Variants in PISD observed in about 807,000 individuals in gnomAD.
PISD encodes phosphatidylserine decarboxylase.
A neutral mutation model predicts 43.5 loss-of-function variants in PISD; 31 were observed. The observed-to-expected ratio is 0.71, with a 90% confidence interval of 0.54 to 0.96. The LOEUF (loss-of-function observed/expected upper bound fraction) is 0.96, where lower values mean the gene tolerates loss of function less well. Among genes scored for constraint, PISD ranks in the 40% least tolerant of loss-of-function variants. PISD has a pLI of 0.00. For synonymous variants in PISD, 259 were observed against 228.7 expected (o/e 1.13, Z -1.20); for missense variants, 523 against 548.4 (o/e 0.95, Z 0.46).
At chr22:31,626,032 A>T in intron 3 of PISD, 4 of 1,430,900 alleles carry the variant, frequency 2.8e-6, no homozygotes, top group Non-Finnish European at 3.7e-6. Flanking sequence ...GCAGACAGAC[A>T]GGCACTGGTC....
At chr22:31,633,182 A>G (rs780311274) in intron 3 of PISD, among the ~76,000 whole-genome samples, 40 of 152,106 alleles carry the variant, frequency 2.6e-4, no homozygotes, top group Non-Finnish European at 5.3e-4. Flanking sequence ...CAAAGCCTCT[A>G]GTACTTACAG....
chr22:31,653,971 T>C (rs543668968), intron 1 of PISD, among the ~76,000 whole-genome samples: 1 of 152,314 alleles, frequency 6.6e-6, no homozygotes, highest in African/African-American at 2.4e-5. Context: ...CTGTCTACCA[T>C]GCTATCATTC....
chr22:31,627,373 C>T lies in PISD; in HGVS notation c.322-5488G>A, dbSNP rs148680467. 8.9e-4 allele frequency among the ~76,000 whole-genome samples: 136 copies of T among 152,354 alleles called. 1 individual carries two copies. In the East Asian group the frequency reaches 0.022, roughly 24 times the overall value. Reference sequence around the variant, plus strand: ...CAAGAGGCCCATTGCATCTCAAGGCCGAGGCCCAGGCCCATAGACAGCCCC... The same window carrying T: ...CAAGAGGCCCATTGCATCTCAAGGCTGAGGCCCAGGCCCATAGACAGCCCC... On this transcript the variant is annotated intron_variant, in intron 3 of 7. Coordinates refer to ENST00000439502, the MANE Select transcript of PISD (RefSeq NM_001326411.2).
Position 31,621,217 on chromosome 22 carries a change from A to C in PISD, c.698-75T>G, listed in dbSNP as rs1006138025. On this transcript the variant is annotated intron_variant, in intron 5 of 7. Transcript: ENST00000439502. ...CACGGAGCCCGAGTGTGGTCTGCAC[A>C]TGGATTCTCAGGGAGGCCCCACATG... The C allele has an allele frequency of 1.9e-6, 3 of 1,611,136 alleles. No homozygotes were observed. In the South Asian group the frequency reaches 3.3e-5, roughly 18 times the overall value.
intron 1 of PISD, among the ~76,000 whole-genome samples, chr22:31,660,885 C>A (rs758691184): frequency 4.6e-5 from 7 of 152,096 alleles, no homozygotes; most frequent in Non-Finnish European, 4.4e-5. Context: ...AGGTGCCTGC[C>A]ACCATGCCCG....
chr22:31,625,640 C>CGGG, intron 3 of PISD: 1 of 1,268,858 alleles, frequency 7.9e-7, no homozygotes, highest in Non-Finnish European at 1.1e-6. Flanking sequence ...CCTCCAGCCT[C>CGGG]GGGGGCTGAC....
intron 3 of PISD, among the ~76,000 whole-genome samples, chr22:31,647,352 A>G (rs1019319537): frequency 1.3e-5 from 2 of 152,212 alleles, no homozygotes; most frequent in African/African-American, 4.8e-5. Context: ...ATTAGAATAG[A>G]TTCAGCTGAT....
intron 5 of PISD, 71 bp from the exon 6 acceptor site, chr22:31,621,213 G>C: frequency 1.2e-6 from 2 of 1,611,020 alleles, no homozygotes; most frequent in Non-Finnish European, 1.7e-6. Context: ...AGTGTGGTCT[G>C]CACATGGATT....
rs530643119 is a variant in PISD, at chr22:31,625,232, G to A, written c.322-3347C>T. Among the ~76,000 whole-genome samples, 55 of 152,334 alleles carry A rather than the reference G, an allele frequency of 3.6e-4. 1 individual carries two copies. The South Asian group carries it at 7.7e-3, about 21-fold the overall frequency. ...CAGGCTCAGAGCTGGCTGCATCCAC[G>A]CAGCTCCCGGGTGCCTACTTTCTCT... On this transcript the variant is annotated intron_variant, in intron 3 of 7. Transcript: ENST00000439502.
In PISD at chr22:31,620,664, G is replaced by A. The variant is rs778467604; in HGVS notation, c.894C>T (p.Leu298=). ...GGACCACCCGCTCGTTATGGCAGAAGAGCTCTTTGATCCAGCGAGCCATGC... is the reference window on the plus strand; with the variant it reads ...GGACCACCCGCTCGTTATGGCAGAAAAGCTCTTTGATCCAGCGAGCCATGC... ...NPGMARWIKE[L]FCHNERVVLT... Residue 298 remains leucine, a synonymous_variant, in exon 7 of 8, where the codon CTC becomes CTT. Coordinates refer to ENST00000439502, the MANE Select transcript of PISD (RefSeq NM_001326411.2). 5 of 1,614,242 alleles carry A rather than the reference G, an allele frequency of 3.1e-6. No homozygotes were observed. Among genetic ancestry groups the A allele is most frequent in the Non-Finnish European group, 4.2e-6 (5 of 1,180,036 alleles).
At position 31,637,149 on chromosome 22, in the gene PISD, AAAAAAAAAAAAAAAAATATATATATATAT is replaced by A. The variant is rs1369662072; in HGVS notation, c.321+10923_321+10951del. Among the ~76,000 whole-genome samples the A allele has an allele frequency of 3.7e-4, 6 of 16,130 alleles. 1 individual carries two copies. Among genetic ancestry groups the A allele is most frequent in the Non-Finnish European group, 1.1e-4 (1 of 8,982 alleles). The allele number at this position is 16,130 out of a possible 152,430, so 10.6% of individuals were successfully genotyped here. On this transcript the variant is annotated intron_variant, in intron 3 of 7. Transcript: ENST00000439502. Reference sequence around the variant, plus strand: ...AAAATAATAATAAATAAATTAAAAAAAAAAAAAAAAAAAAAATATATATATATATATATATATATATATATATATATATA... The same window carrying A: ...AAAATAATAATAAATAAATTAAAAAAATATATATATATATATATATATATA...
At chr22:31,628,093 G>A in intron 3 of PISD, 4 of 985,538 alleles carry the variant, frequency 4.1e-6, no homozygotes, top group Non-Finnish European at 3.6e-6. Flanking sequence ...CAAGCGCCGA[G>A]ACCAGGGTGT....
intron 3 of PISD, among the ~76,000 whole-genome samples, chr22:31,631,806 C>T (rs2073216278): frequency 6.6e-6 from 1 of 152,222 alleles, no homozygotes; most frequent in East Asian, 1.9e-4. Flanking sequence ...CAACTGAGCA[C>T]GCCCATTCCC....
At chr22:31,659,753 G>T (rs113585076) in intron 1 of PISD, among the ~76,000 whole-genome samples, 2 of 151,868 alleles carry the variant, frequency 1.3e-5, no homozygotes, top group African/African-American at 4.8e-5. Context: ...CACCACACCC[G>T]GCTAATTTTT....
chr22:31,620,871 A>G, intron 6 of PISD, 125 bp downstream of exon 6: 1 of 1,386,962 alleles, frequency 7.2e-7, no homozygotes, highest in East Asian at 2.5e-5. Flanking sequence ...ACCAGCCTGC[A>G]TAAAGCAGTC....
intron 3 of PISD, among the ~76,000 whole-genome samples, chr22:31,640,793 C>T (rs1277522619): frequency 2.7e-5 from 4 of 146,450 alleles, no homozygotes; most frequent in African/African-American, 7.6e-5. Flanking sequence ...GTGGGCCAGG[C>T]TGGTCTTGAA....
intron 2 of PISD, among the ~76,000 whole-genome samples, chr22:31,649,071 A>T (rs1399373414): frequency 6.6e-6 from 1 of 152,024 alleles, no homozygotes. Context: ...AAAAAGACAA[A>T]TAGCCAGGCA....
At chr22:31,657,147 G>GT (rs925987019) in intron 1 of PISD, among the ~76,000 whole-genome samples, 2 of 151,924 alleles carry the variant, frequency 1.3e-5, no homozygotes, top group Non-Finnish European at 2.9e-5. Context: ...GTTTTGTTTT[G>GT]TTTTTTTGAG....
At chr22:31,620,328 T>TCTCTTCCAGC (rs1242061676) in intron 7 of PISD, among the ~76,000 whole-genome samples, 1 of 152,176 alleles carries the variant, frequency 6.6e-6, no homozygotes, top group Non-Finnish European at 1.5e-5. Context: ...ATTCCCTCCA[T>TCTCTTCCAGC]CTCTTCCAGC....
Sources: allele counts gnomAD v4.1 joint callset (sites outside exome capture counted in the v4.1 genomes callset), GRCh38; gene constraint gnomAD v4.1.1; transcripts MANE v1.5; gene names NCBI Gene and HGNC (gene_info 2026-07-23, HGNC 2026-07-21).